Variants in CTTNBP2NL observed in about 807,000 individuals in gnomAD.
CTTNBP2NL encodes CTTNBP2 N-terminal-like protein.
In CTTNBP2NL, 16 loss-of-function variants were observed where a neutral mutation model predicts 32.5. The ratio of observed to expected loss-of-function variants is 0.49; its 90% CI spans 0.33 to 0.75. The LOEUF is 0.75. CTTNBP2NL is among the 30% of genes least tolerant of loss of function. CTTNBP2NL has a pLI of 0.02. For missense variants in CTTNBP2NL, 645 were observed against 756.0 expected (o/e 0.85, Z 1.72); for synonymous variants, 298 against 289.4 (o/e 1.03, Z -0.30).
In CTTNBP2NL at chr1:112,454,476, C is replaced by A; in HGVS notation, c.358C>A (p.Gln120Lys). The change falls in exon 5 of 6, where the codon CAG (glutamine) becomes AAG (lysine). Residue 120 changes from glutamine (Q) to lysine (K), a missense_variant. By Grantham distance (53) the Gln-to-Lys change is moderately conservative. Transcript: ENST00000271277. The stretch of plus-strand genomic sequence containing the variant: ...GATCCTAGACCTTGAGGAAGAAAGG[C>A]AGCGGCATGCACAGGATACGGCTGA... ...KVILDLEEER[Q>K]RHAQDTAEGD... 6.2e-7 allele frequency: 1 copy of A among 1,613,868 alleles called. No individual in the cohort carries two copies. The highest frequency in any genetic ancestry group is 8.5e-7 in the Non-Finnish European group (1 of 1,179,796).
chr1:112,398,817 C>CAAAAAAA (rs3033224), intron 1 of CTTNBP2NL, among the ~76,000 whole-genome samples: 1 of 93,598 alleles, frequency 1.1e-5, no homozygotes, highest in East Asian at 3.8e-4. Context: ...TGTCTCTTAA[C>CAAAAAAA]AAAAAAAAAA....
In CTTNBP2NL at chr1:112,457,371, A is replaced by G. The variant is rs1256369431; in HGVS notation, c.1879A>G (p.Asn627Asp). The change falls in exon 6 of 6, where the codon AAT (asparagine) becomes GAT (aspartate). Residue 627 changes from asparagine (N) to aspartate (D), a missense_variant. Coordinates refer to ENST00000271277, the MANE Select transcript of CTTNBP2NL (RefSeq NM_018704.3). ...CTGCTCTTCCAATACTGTTGTAGCA[A>G]ATGGTAAGGATGTTGAGTTACTTTT... The part of the protein sequence containing the change: ...SSCSSNTVVA[N>D]GKDVELLLPT... 2 of 1,613,900 alleles carry G rather than the reference A, an allele frequency of 1.2e-6. No individual in the cohort carries two copies. Among genetic ancestry groups the G allele is most frequent in the African/African-American group, 2.7e-5 (2 of 74,926 alleles).
At chr1:112,425,328 G>A (rs2184095) in intron 3 of CTTNBP2NL, among the ~76,000 whole-genome samples, 83,399 of 151,286 alleles carry the variant, frequency 0.55, 24,112 homozygotes, top group South Asian at 0.7. Context: ...AAAATTAGCC[G>A]GGCGAGGTGG....
chr1:112,401,674 G>A (rs1488674142), intron 1 of CTTNBP2NL, among the ~76,000 whole-genome samples: 1 of 152,152 alleles, frequency 6.6e-6, no homozygotes, highest in Non-Finnish European at 1.5e-5. Context: ...ACATGGATAG[G>A]GGAGTTGAGT....
At chr1:112,408,989 G>A (rs963241518) in intron 1 of CTTNBP2NL, among the ~76,000 whole-genome samples, 4 of 152,060 alleles carry the variant, frequency 2.6e-5, no homozygotes, top group South Asian at 4.1e-4. Flanking sequence ...CTAGCCAGGC[G>A]TGGTAGCACG....
chr1:112,446,627 A>C (rs1291092799), intron 3 of CTTNBP2NL, among the ~76,000 whole-genome samples: 1 of 152,188 alleles, frequency 6.6e-6, no homozygotes, highest in Non-Finnish European at 1.5e-5. Flanking sequence ...ATCAGAGCTC[A>C]TAGCAGCCTA....
chr1:112,426,351 A>G (rs1759686), intron 3 of CTTNBP2NL, among the ~76,000 whole-genome samples: 48 of 151,990 alleles, frequency 3.2e-4, no homozygotes, highest in African/African-American at 1.1e-3. Flanking sequence ...GCTTTTTCAG[A>G]TTTATTCTGC....
intron 1 of CTTNBP2NL, among the ~76,000 whole-genome samples, chr1:112,400,096 A>G (rs1648449690): frequency 6.6e-6 from 1 of 152,212 alleles, no homozygotes; most frequent in Non-Finnish European, 1.5e-5. Context: ...ACAAAATTAA[A>G]GTTTCTGAAT....
At position 112,399,344 on chromosome 1, in the gene CTTNBP2NL, A is replaced by G. The variant is rs55831209; in HGVS notation, c.-134+3072A>G. Among the ~76,000 whole-genome samples the G allele has an allele frequency of 3.6e-3, 547 of 150,128 alleles. 4 individuals are homozygous for G. Among genetic ancestry groups the G allele is most frequent in the African/African-American group, 0.013 (516 of 40,678 alleles). On this transcript the variant is annotated intron_variant, in intron 1 of 5. Coordinates refer to ENST00000271277, the MANE Select transcript of CTTNBP2NL (RefSeq NM_018704.3). ...AAAAAAAAAAAAAAAAAAAAAGAAT[A>G]GTTTCTGAGTGTTTGGTTTTGACAA...
intron 3 of CTTNBP2NL, among the ~76,000 whole-genome samples, chr1:112,429,890 T>C (rs1288013351): frequency 6.6e-6 from 1 of 152,208 alleles, no homozygotes; most frequent in Non-Finnish European, 1.5e-5. Flanking sequence ...TCACAAAGCC[T>C]CTTCCTTCCT....
chr1:112,410,833 C>G (rs1161144293), intron 1 of CTTNBP2NL, among the ~76,000 whole-genome samples: 2 of 152,036 alleles, frequency 1.3e-5, no homozygotes, highest in African/African-American at 2.4e-5. Context: ...TAATTCGGGT[C>G]TTGGAAGGAA....
rs1650465466 is a variant in CTTNBP2NL at position 112,459,018 on chromosome 1, A to C, written c.*1606A>C. The C allele has an allele frequency of 6.6e-6, 1 of 152,204 alleles. No individual in the cohort carries two copies. Among genetic ancestry groups the C allele is most frequent in the Admixed American group, 6.5e-5 (1 of 15,278 alleles). The allele number at this position is 152,204 out of a possible 1,614,324, so 9.4% of individuals were successfully genotyped here. A position where few individuals can be genotyped will look rare whatever the true frequency, so the allele number is the denominator to read the frequency against. The stretch of plus-strand genomic sequence containing the variant: ...TGCGGTGCAAGAATGCTAAACCAGG[A>C]TTACCAGTTCTTCACATTTTTTGAA... On this transcript the variant is annotated 3_prime_UTR_variant, in exon 6 of 6. Coordinates refer to ENST00000271277, the MANE Select transcript of CTTNBP2NL (RefSeq NM_018704.3).
intron 3 of CTTNBP2NL, among the ~76,000 whole-genome samples, chr1:112,425,708 A>AT (rs1427395216): frequency 1.3e-5 from 2 of 151,920 alleles, no homozygotes; most frequent in African/African-American, 4.8e-5. Context: ...TAAAAAAAAA[A>AT]AAAAATTAGC....
At chr1:112,400,717 G>A (rs937553138) in intron 1 of CTTNBP2NL, among the ~76,000 whole-genome samples, 2 of 151,992 alleles carry the variant, frequency 1.3e-5, no homozygotes, top group South Asian at 2.1e-4. Context: ...GCTTTAACCC[G>A]GGAGACGGAG....
At chr1:112,450,914 A>G (rs554585744) in intron 4 of CTTNBP2NL, among the ~76,000 whole-genome samples, 1 of 152,194 alleles carries the variant, frequency 6.6e-6, no homozygotes, top group East Asian at 1.9e-4. Flanking sequence ...TTAGAAATCA[A>G]ACAGTACCTA....
rs571280997 is a variant in CTTNBP2NL at position 112,419,289 on chromosome 1, C to T, written c.99+3025C>T. ...GTAATACATCATTCTATAGGTTTAACTGTTGTGAGTTTTTTCAGCCACAAA... is the reference window on the plus strand; with the variant it reads ...GTAATACATCATTCTATAGGTTTAATTGTTGTGAGTTTTTTCAGCCACAAA... On this transcript the variant is annotated intron_variant, in intron 3 of 5. Transcript: ENST00000271277. Among the ~76,000 whole-genome samples, 4 of 152,138 alleles carry T rather than the reference C, an allele frequency of 2.6e-5. No homozygotes were observed. In the South Asian group the frequency reaches 8.3e-4, roughly 32 times the overall value.
chr1:112,401,272 C>T (rs1648491340), intron 1 of CTTNBP2NL, among the ~76,000 whole-genome samples: 1 of 152,136 alleles, frequency 6.6e-6, no homozygotes, highest in African/African-American at 2.4e-5. Flanking sequence ...TGATCTCAAG[C>T]ATCTGAGCCA....
At chr1:112,411,295 T>C (rs1010173183) in intron 1 of CTTNBP2NL, among the ~76,000 whole-genome samples, 1 of 152,224 alleles carries the variant, frequency 6.6e-6, no homozygotes, top group African/African-American at 2.4e-5. Flanking sequence ...TCAGACTTAG[T>C]GCCTTAAAAT....
intron 4 of CTTNBP2NL, among the ~76,000 whole-genome samples, chr1:112,452,052 G>A (rs1395212544): frequency 1.3e-5 from 2 of 151,998 alleles, no homozygotes; most frequent in East Asian, 3.8e-4. Context: ...TGTAATTTTT[G>A]AGGACTCCCA....
Sources: gnomAD v4.1 joint callset for allele counts (sites outside exome capture counted in the v4.1 genomes callset) on GRCh38, gnomAD v4.1.1 for gene constraint, MANE v1.5 for transcripts, NCBI Gene and HGNC (gene_info 2026-07-23, HGNC 2026-07-21) for gene names.